Variants in DGCR8 observed in about 807,000 individuals in gnomAD.
DGCR8 encodes microprocessor complex subunit DGCR8.
A neutral mutation model predicts 78.5 loss-of-function variants in DGCR8; 14 were observed. The ratio of observed to expected loss-of-function variants is 0.18; its 90% CI spans 0.12 to 0.28. The LOEUF (loss-of-function observed/expected upper bound fraction) is 0.28, where lower values mean the gene tolerates loss of function less well. Among genes scored for constraint, DGCR8 ranks in the 10% least tolerant of loss-of-function variants. The probability of loss-of-function intolerance (pLI) is 1.00; values close to 1 mark genes in which losing one functional copy is unlikely to be tolerated. For synonymous variants in DGCR8, 399 were observed against 402.4 expected (o/e 0.99, Z 0.10); for missense variants, 702 against 1,022.5 (o/e 0.69, Z 4.28).
In DGCR8 at chr22:20,085,103, G is replaced by T; in HGVS notation, c.-277-584G>T. The T allele has an allele frequency of 2.2e-6, 2 of 918,106 alleles. No homozygotes were observed. The highest frequency in any genetic ancestry group is 2.6e-6 in the Non-Finnish European group (2 of 768,460). The allele number at this position is 918,106 out of a possible 1,614,324, so 56.9% of individuals were successfully genotyped here. A position where few individuals can be genotyped will look rare whatever the true frequency, so the allele number is the denominator to read the frequency against. On this transcript the variant is annotated intron_variant, in intron 1 of 13. Transcript: ENST00000351989. This position sits in a 1 kb window ranked among gnomAD's most constrained non-coding sequence, Gnocchi z 6.2. ...ACAGAACTATGCTGCCACCTCTGGT[G>T]ACCTCAGCACGCTGCATCACTGTCC...
rs928069563 is a variant in DGCR8, at chr22:20,086,979, G to A, written c.721-183G>A. ...GGCAGTGTGTGCCCCTGGACCAGGTGTGTTGGTGTCAGCTGGTAGCTTCAT... is the reference window on the plus strand; with the variant it reads ...GGCAGTGTGTGCCCCTGGACCAGGTATGTTGGTGTCAGCTGGTAGCTTCAT... On this transcript the variant is annotated intron_variant, in intron 2 of 13. Transcript: ENST00000351989. The surrounding 1 kb of genome is among the most constrained non-coding windows in gnomAD (Gnocchi z 6.4). 1 of 822,650 alleles carries A rather than the reference G, an allele frequency of 1.2e-6. No individual in the cohort carries two copies. Among genetic ancestry groups the A allele is most frequent in the Non-Finnish European group, 1.9e-6 (1 of 532,840 alleles). The allele number at this position is 822,650 out of a possible 1,614,324, so 51.0% of individuals were successfully genotyped here. A position where few individuals can be genotyped will look rare whatever the true frequency, so the allele number is the denominator to read the frequency against.
intron 11 of DGCR8, chr22:20,106,988 T>A (rs150751831): frequency 5.2e-5 from 30 of 573,012 alleles, no homozygotes; most frequent in Admixed American, 1.2e-4. Context: ...TGCTGCTCCC[T>A]GTTTCTGGAG....
chr22:20,081,983 A>G (rs1481521281), intron 1 of DGCR8, among the ~76,000 whole-genome samples: 2 of 150,118 alleles, frequency 1.3e-5, no homozygotes, highest in Non-Finnish European at 3.0e-5. Context: ...CTTTACTGTC[A>G]CCTTAGGTCC....
rs752158008 is a variant in DGCR8 at position 20,089,700 on chromosome 22, C to T, written c.912C>T (p.Pro304=). The stretch of plus-strand genomic sequence containing the variant: ...GCCGCCCACCTACAGAGCCGCTGCC[C>T]GACGGGTGGATCATGACATTCCATA... ...SRGRPPTEPL[P]DGWIMTFHNS... is the part of the protein sequence containing the mutation. Residue 304 remains proline (P), a synonymous_variant, in exon 4 of 14, where the codon CCC becomes CCT. Transcript: ENST00000351989. The surrounding 1 kb of genome is among the most constrained non-coding windows in gnomAD (Gnocchi z 4.9). The T allele has an allele frequency of 1.9e-5, 30 of 1,613,698 alleles. No homozygotes were observed. The highest frequency in any genetic ancestry group is 1.3e-4 in the African/African-American group (10 of 74,776).
Position 20,086,282 on chromosome 22 carries a change from A to G in DGCR8, c.319A>G (p.Lys107Glu). Residue 107 changes from lysine to glutamate, a missense_variant, in exon 2 of 14, where the codon AAG (lysine) becomes GAG (glutamate). Around this residue, in one of 4 missense-constraint regions of DGCR8, gnomAD observed 356 missense variants for 448.9 expected, o/e 0.79. Coordinates refer to ENST00000351989, the MANE Select transcript of DGCR8 (RefSeq NM_022720.7). This position sits in a 1 kb window ranked among gnomAD's most constrained non-coding sequence, Gnocchi z 6.4. The part of the protein sequence containing the change: ...RTARHAPAVR[K>E]FSPDLKLLKD... ...CGCCCGGCACGCACCTGCGGTCCGGAAGTTCTCCCCTGACCTTAAGTTGCT... is the reference window on the plus strand; with the variant it reads ...CGCCCGGCACGCACCTGCGGTCCGGGAGTTCTCCCCTGACCTTAAGTTGCT... The G allele has an allele frequency of 6.2e-7, 1 of 1,614,100 alleles. No homozygotes were observed. Among genetic ancestry groups the G allele is most frequent in the Non-Finnish European group, 8.5e-7 (1 of 1,180,022 alleles).
Position 20,094,771 on chromosome 22 carries a change from G to T in DGCR8, c.1764G>T (p.Lys588Asn). The change falls in exon 9 of 14, where the codon AAG (lysine) becomes AAT (asparagine). Residue 588 changes from lysine (K) to asparagine (N), a missense_variant. By Grantham distance (94) the Lys-to-Asn change is moderately conservative. Transcript: ENST00000351989. ...PDFVKQTSEE[K>N]PKDSEELEYF... ...TTGTTAAACAGACCTCTGAAGAGAAGCCCAAAGACAGTGAAGAACTCGAGG... is the reference window on the plus strand; with the variant it reads ...TTGTTAAACAGACCTCTGAAGAGAATCCCAAAGACAGTGAAGAACTCGAGG... The T allele has an allele frequency of 6.2e-7, 1 of 1,614,116 alleles. No homozygotes were observed. Among genetic ancestry groups the T allele is most frequent in the East Asian group, 2.2e-5 (1 of 44,878 alleles).
Position 20,094,783 on chromosome 22 carries a change from T to G in DGCR8, c.1776T>G (p.Ser592Arg). 1 of 1,614,022 alleles carries G rather than the reference T, an allele frequency of 6.2e-7. No individual in the cohort carries two copies. The highest frequency in any genetic ancestry group is 8.5e-7 in the Non-Finnish European group (1 of 1,179,908). Residue 592 changes from serine to arginine, a missense_variant, in exon 9 of 14, where the codon AGT becomes AGG. By Grantham distance (110) the Ser-to-Arg change is moderately radical. Around this residue, in one of 4 missense-constraint regions of DGCR8, gnomAD observed 225 missense variants for 427.7 expected, o/e 0.53. Coordinates refer to ENST00000351989, the MANE Select transcript of DGCR8 (RefSeq NM_022720.7). Reference protein sequence around the residue: ...KQTSEEKPKDSEELEYFNHIS... With the variant: ...KQTSEEKPKDREELEYFNHIS... The stretch of plus-strand genomic sequence containing the variant: ...CCTCTGAAGAGAAGCCCAAAGACAG[T>G]GAAGAACTCGAGGTGAGTGTTGTGG...
Position 20,086,916 on chromosome 22 carries a change from G to A in DGCR8, c.720+233G>A. On this transcript the variant is annotated intron_variant, in intron 2 of 13. Coordinates refer to ENST00000351989, the MANE Select transcript of DGCR8 (RefSeq NM_022720.7). The surrounding 1 kb of genome is among the most constrained non-coding windows in gnomAD (Gnocchi z 6.4). ...GGGTAGGCCCTGCATCCCTGATCTAGCGCGTGGGGCAGCAGGTGCTGCTGA... is the reference window on the plus strand; with the variant it reads ...GGGTAGGCCCTGCATCCCTGATCTAACGCGTGGGGCAGCAGGTGCTGCTGA... 2.7e-6 allele frequency: 2 copies of A among 728,698 alleles called. No individual in the cohort carries two copies. The highest frequency in any genetic ancestry group is 4.3e-6 in the Non-Finnish European group (2 of 460,220). The allele number at this position is 728,698 out of a possible 1,614,324, so 45.1% of individuals were successfully genotyped here. A position where few individuals can be genotyped will look rare whatever the true frequency, so the allele number is the denominator to read the frequency against.
At chr22:20,101,730 C>T (rs1054764346) in intron 9 of DGCR8, 1 of 985,268 alleles carries the variant, frequency 1.0e-6, no homozygotes, top group African/African-American at 1.7e-5. Flanking sequence ...TTTGCTGGTC[C>T]TCCCTAGCGA....
intron 9 of DGCR8, chr22:20,100,640 C>T (rs998288290): frequency 5.1e-6 from 5 of 985,322 alleles, no homozygotes; most frequent in African/African-American, 3.5e-5. Context: ...GTCAGGTTCT[C>T]AGCCTCCACT....
Position 20,086,989 on chromosome 22 carries a change from C to T in DGCR8, c.721-173C>T. ...GCCCCTGGACCAGGTGTGTTGGTGTCAGCTGGTAGCTTCATCCTGTTTGTT... is the reference window on the plus strand; with the variant it reads ...GCCCCTGGACCAGGTGTGTTGGTGTTAGCTGGTAGCTTCATCCTGTTTGTT... On this transcript the variant is annotated intron_variant, in intron 2 of 13. Transcript: ENST00000351989. This position sits in a 1 kb window ranked among gnomAD's most constrained non-coding sequence, Gnocchi z 6.4. 2.2e-6 allele frequency: 2 copies of T among 890,498 alleles called. No individual in the cohort carries two copies. The highest frequency in any genetic ancestry group is 3.4e-6 in the Non-Finnish European group (2 of 591,572). 55.2% of individuals were successfully genotyped at this position (890,498 alleles called of 1,614,324 possible).
At chr22:20,084,553 A>G (rs1262689771) in intron 1 of DGCR8, among the ~76,000 whole-genome samples, 19 of 151,452 alleles carry the variant, frequency 1.3e-4, no homozygotes, top group Non-Finnish European at 4.4e-5. Context: ...TTTGGCGACT[A>G]CCTCCTCAGT....
At chr22:20,101,213 ATGCCTTGGTTTAGGG>A (rs1478568982) in intron 9 of DGCR8, 1 of 985,264 alleles carries the variant, frequency 1.0e-6, no homozygotes, top group African/African-American at 1.7e-5. Context: ...TTATGATGCC[ATGCCTTGGTTTAGGG>A]TGCCTTTTGT....
In DGCR8 at chr22:20,087,239, A is replaced by T; in HGVS notation, c.798A>T (p.Lys266Asn). 6.2e-7 allele frequency: 1 copy of T among 1,614,104 alleles called. No homozygotes were observed. The highest frequency in any genetic ancestry group is 8.5e-7 in the Non-Finnish European group (1 of 1,179,962). Residue 266 changes from lysine to asparagine, a missense_variant, in exon 3 of 14, where the codon AAA (lysine) becomes AAT (asparagine). Transcript: ENST00000351989. The surrounding 1 kb of genome is among the most constrained non-coding windows in gnomAD (Gnocchi z 4.1). The stretch of plus-strand genomic sequence containing the variant: ...CCAAAAAGAGGCGAACAGAGGAAAA[A>T]TATGGCGGAGACAGCGACCATCCGT... ...CAPKKRRTEE[K>N]YGGDSDHPSD...
chr22:20,086,734 G>T lies in DGCR8; in HGVS notation c.720+51G>T. On this transcript the variant is annotated intron_variant, in intron 2 of 13. Transcript: ENST00000351989. This position sits in a 1 kb window ranked among gnomAD's most constrained non-coding sequence, Gnocchi z 6.4. ...GGGCTCTTAGCAAAACCCAAAGAGA[G>T]ATTTGGGAATTGCAGCATCTTTTGA... 6.9e-7 allele frequency: 1 copy of T among 1,443,072 alleles called. No individual in the cohort carries two copies. The highest frequency in any genetic ancestry group is 9.2e-7 in the Non-Finnish European group (1 of 1,087,030). 89.4% of individuals were successfully genotyped at this position (1,443,072 alleles called of 1,614,324 possible).
chr22:20,093,035 G>A (rs2049584875), intron 8 of DGCR8, 128 bp downstream of exon 8: 2 of 629,646 alleles, frequency 3.2e-6, no homozygotes, highest in South Asian at 2.2e-5. Context: ...TTTTATTTAT[G>A]TAATCATCTA....
In DGCR8 at chr22:20,109,875, C is replaced by T; in HGVS notation, c.2239-150C>T. ...GCTGGCCTGCCCCAGGCCTTCCCTG[C>T]TCCTCCTAGCCTGGCATCACAAGCA... On this transcript the variant is annotated intron_variant, in intron 13 of 13. Coordinates refer to ENST00000351989, the MANE Select transcript of DGCR8 (RefSeq NM_022720.7). 10 of 721,464 alleles carry T rather than the reference C, an allele frequency of 1.4e-5. No individual in the cohort carries two copies. In the South Asian group the frequency reaches 1.6e-4, roughly 12 times the overall value. The allele number at this position is 721,464 out of a possible 1,614,324, so 44.7% of individuals were successfully genotyped here. A position where few individuals can be genotyped will look rare whatever the true frequency, so the allele number is the denominator to read the frequency against.
chr22:20,092,795 A>AT lies in DGCR8; in HGVS notation c.1607-10dup, dbSNP rs760001199. 1.7e-5 allele frequency: 27 copies of AT among 1,605,606 alleles called. No homozygotes were observed. Among genetic ancestry groups the AT allele is most frequent in the South Asian group, 9.9e-5 (9 of 90,744 alleles). ...TGACTCGTATGTTTTAAAACAAGTAATTTTAATTTTAAGAGAACCCAAGTG... is the reference window on the plus strand; with the variant it reads ...TGACTCGTATGTTTTAAAACAAGTAATTTTTAATTTTAAGAGAACCCAAGTG... On this transcript the variant is annotated splice_polypyrimidine_tract_variant and intron_variant, in intron 7 of 13. Coordinates refer to ENST00000351989, the MANE Select transcript of DGCR8 (RefSeq NM_022720.7).
intron 9 of DGCR8, chr22:20,100,458 T>C (rs2049684435): frequency 2.0e-6 from 2 of 985,456 alleles, no homozygotes; most frequent in Non-Finnish European, 2.4e-6. Context: ...GCGTAGACCC[T>C]GGCCCACCAA....
Sources: gnomAD v4.1 joint callset for allele counts (sites outside exome capture counted in the v4.1 genomes callset) on GRCh38, gnomAD v4.1.1 for gene constraint, gnomAD v4.1.1 regional missense constraint, Gnocchi (gnomAD v3.1) non-coding constraint, MANE v1.5 for transcripts, NCBI Gene and HGNC (gene_info 2026-07-23, HGNC 2026-07-21) for gene names.